The following DDX10 variants were observed in gnomAD, a reference collection of about 807,000 sequenced individuals.
DDX10 encodes the protein probable ATP-dependent RNA helicase DDX10.
A neutral mutation model predicts 104.3 loss-of-function variants in DDX10; 74 were observed. The observed-to-expected ratio is 0.71, with a 90% CI of 0.59 to 0.86. The LOEUF is 0.86. Ranked by LOEUF, DDX10 falls within the 40% of genes least tolerant of loss-of-function variation. The pLI is 0.00. For missense variants in DDX10, 952 were observed against 1,040.0 expected, an observed-to-expected ratio of 0.92 and a Z score of 1.16; for synonymous variants, 351 against 353.4, an observed-to-expected ratio of 0.99 and a Z score of 0.08.
intron 15 of DDX10, among the ~76,000 whole-genome samples, chr11:108,843,391 CTTTTTTTT>C (rs71050891): frequency 7.3e-6 from 1 of 137,744 alleles, no homozygotes; most frequent in Non-Finnish European, 1.5e-5. Flanking sequence ...CTTGCACATC[CTTTTTTTT>C]TTTTTTTTTA....
At chr11:108,846,466 C>T (rs540714654) in intron 15 of DDX10, among the ~76,000 whole-genome samples, 37 of 152,294 alleles carry the variant, frequency 2.4e-4, no homozygotes, top group Non-Finnish European at 4.1e-4. Context: ...CACCATTCTA[C>T]GCTCTACTTC....
chr11:108,699,843 C>T (rs1217278686), intron 9 of DDX10, among the ~76,000 whole-genome samples: 3 of 152,266 alleles, frequency 2.0e-5, no homozygotes, highest in South Asian at 2.1e-4. Context: ...GTGGGATCTC[C>T]ACTATAGCTC....
At chr11:108,903,401 T>C (rs1305811896) in intron 16 of DDX10, among the ~76,000 whole-genome samples, 2 of 152,180 alleles carry the variant, frequency 1.3e-5, no homozygotes, top group Non-Finnish European at 2.9e-5. Flanking sequence ...TTCATTTCTT[T>C]TCATTGATGG....
At chr11:108,760,993 C>T (rs967031479) in intron 13 of DDX10, among the ~76,000 whole-genome samples, 1 of 152,014 alleles carries the variant, frequency 6.6e-6, no homozygotes, top group Non-Finnish European at 1.5e-5. Context: ...GGAATTCTAA[C>T]AGTGTAACAA....
At chr11:108,924,133 T>C (rs1029884584) in intron 17 of DDX10, among the ~76,000 whole-genome samples, 1 of 152,142 alleles carries the variant, frequency 6.6e-6, no homozygotes, top group Non-Finnish European at 1.5e-5. Context: ...AACAGCCGGA[T>C]GTTCCAGATG....
In DDX10 at chr11:108,940,272, A is replaced by G; in HGVS notation, c.2477A>G (p.Lys826Arg). Residue 826 changes from lysine to arginine, a missense_variant, in exon 18 of 18, where the codon AAG (lysine) becomes AGG (arginine). Around this residue, in one of 3 missense-constraint regions of DDX10, gnomAD observed 533 missense variants for 534.1 expected, o/e 1.00. Coordinates refer to ENST00000322536, the MANE Select transcript of DDX10 (RefSeq NM_004398.4). ...GATACCAAGAAGAAGCAGGGGATGA[A>G]GAAGAGGAGCAACAGTGAAGTGGAA... ...ISDTKKKQGM[K>R]KRSNSEVEDV... is the part of the protein sequence containing the mutation. 1 of 1,613,960 alleles carries G rather than the reference A, an allele frequency of 6.2e-7. No homozygotes were observed.
intron 9 of DDX10, among the ~76,000 whole-genome samples, chr11:108,694,975 G>A (rs568903983): frequency 2.2e-3 from 328 of 152,104 alleles, no homozygotes; most frequent in Admixed American, 4.5e-3. Flanking sequence ...GAATCAAAAA[G>A]GATTACACAA....
At chr11:108,757,847 T>C (rs1240444646) in intron 13 of DDX10, among the ~76,000 whole-genome samples, 1 of 152,094 alleles carries the variant, frequency 6.6e-6, no homozygotes, top group Non-Finnish European at 1.5e-5. Context: ...TACTATCGAC[T>C]CTGTGATCGA....
At chr11:108,881,035 C>G (rs933273712) in intron 16 of DDX10, among the ~76,000 whole-genome samples, 1 of 152,138 alleles carries the variant, frequency 6.6e-6, no homozygotes, top group African/African-American at 2.4e-5. Context: ...CCAAACCATA[C>G]GTATTGTTTA....
At chr11:108,933,743 G>T (rs1864003378) in intron 17 of DDX10, among the ~76,000 whole-genome samples, 1 of 152,170 alleles carries the variant, frequency 6.6e-6, no homozygotes, top group Non-Finnish European at 1.5e-5. Flanking sequence ...AGATTTAAAT[G>T]TCTACTTACA....
At chr11:108,759,702 C>T (rs897292471) in intron 13 of DDX10, among the ~76,000 whole-genome samples, 4 of 151,956 alleles carry the variant, frequency 2.6e-5, no homozygotes, top group Non-Finnish European at 2.9e-5. Context: ...TTGTGTGTCT[C>T]ATAGCCCCGC....
rs546793259 is a variant in DDX10, at chr11:108,751,556, G to T, written c.1965+28094G>T. 2.6e-5 allele frequency among the ~76,000 whole-genome samples: 4 copies of T among 151,108 alleles called. No homozygotes were observed. The East Asian group carries it at 7.8e-4, about 30-fold the overall frequency. On this transcript the variant is annotated intron_variant, in intron 13 of 17. Transcript: ENST00000322536. ...ATGTATAATCCAATGTATATTTTATGCATTTACAACATTACTCTGAGAAGA... is the reference window on the plus strand; with the variant it reads ...ATGTATAATCCAATGTATATTTTATTCATTTACAACATTACTCTGAGAAGA...
intron 16 of DDX10, among the ~76,000 whole-genome samples, chr11:108,865,302 A>G (rs1862995245): frequency 6.6e-6 from 1 of 152,154 alleles, no homozygotes; most frequent in African/African-American, 2.4e-5. Flanking sequence ...TGCTGCTTGA[A>G]GTGTCCAGGA....
chr11:108,931,954 A>G (rs1465264261), intron 17 of DDX10, among the ~76,000 whole-genome samples: 3 of 152,006 alleles, frequency 2.0e-5, no homozygotes, highest in Non-Finnish European at 4.4e-5. Flanking sequence ...TAGTGAGCCA[A>G]CAAAAGCTAC....
intron 13 of DDX10, among the ~76,000 whole-genome samples, chr11:108,826,685 G>T (rs1484852588): frequency 6.6e-6 from 1 of 152,156 alleles, no homozygotes; most frequent in Non-Finnish European, 1.5e-5. Flanking sequence ...GTGACTTGCA[G>T]CAGGGCCACA....
intron 13 of DDX10, among the ~76,000 whole-genome samples, chr11:108,726,130 T>G (rs1212865125): frequency 3.3e-5 from 5 of 152,034 alleles, no homozygotes; most frequent in Non-Finnish European, 4.4e-5. Context: ...CAATCTTGAT[T>G]AGTGTAGCTT....
At chr11:108,885,130 G>T (rs1863278972) in intron 16 of DDX10, among the ~76,000 whole-genome samples, 1 of 151,956 alleles carries the variant, frequency 6.6e-6, no homozygotes, top group Non-Finnish European at 1.5e-5. Flanking sequence ...TTTTGTTGTT[G>T]TTGGTTTCAT....
At chr11:108,835,455 T>C (rs1862541202) in intron 13 of DDX10, among the ~76,000 whole-genome samples, 1 of 152,230 alleles carries the variant, frequency 6.6e-6, no homozygotes, top group African/African-American at 2.4e-5. Context: ...GTGATGTGTA[T>C]ATAGTGATTA....
At chr11:108,761,567 T>G (rs1284966005) in intron 13 of DDX10, among the ~76,000 whole-genome samples, 3 of 152,130 alleles carry the variant, frequency 2.0e-5, no homozygotes, top group African/African-American at 7.2e-5. Context: ...GATTATTGAT[T>G]AGAACTCCTT....
Sources: allele counts gnomAD v4.1 joint callset (sites outside exome capture counted in the v4.1 genomes callset), GRCh38; gene constraint gnomAD v4.1.1; regional missense constraint gnomAD v4.1.1; transcripts MANE v1.5; gene names NCBI Gene and HGNC (gene_info 2026-07-23, HGNC 2026-07-21).